RAB38: variants seen among roughly 807,000 people sequenced by gnomAD.
The protein encoded by RAB38 is ras-related protein Rab-38.
Under a neutral mutation model 18.4 loss-of-function variants are expected in RAB38, and 15 were observed. That is an observed-to-expected ratio of 0.82 (90% CI 0.55 to 1.26). RAB38 has a LOEUF of 1.26. Among genes scored for constraint, RAB38 ranks in the 50% most tolerant of loss-of-function variants. The pLI is 0.00. For missense variants in RAB38, 294 were observed against 267.4 expected (o/e 1.10, Z -0.69); for synonymous variants, 101 against 104.4 (o/e 0.97, Z 0.20).
chr11:88,077,009 AAAAGAAAAGAAAAGAAAAG>A, the RAB38 span, among the ~76,000 whole-genome samples: 7 of 116,164 alleles, frequency 6.0e-5, no homozygotes, highest in Non-Finnish European at 9.8e-5. Context: ...AAAAGAAAAG[AAAAGAAAAGAAAAGAAAAG>A]AAAGAAAGCA....
At chr11:87,872,232 G>T in the RAB38 span, among the ~76,000 whole-genome samples, 40,111 of 151,280 alleles carry the variant, frequency 0.27, 7,255 homozygotes, top group African/African-American at 0.52. Context: ...ACCCTTTTCC[G>T]TTTCCCATGA....
At chr11:87,871,565 T>C in the RAB38 span, among the ~76,000 whole-genome samples, 1 of 151,544 alleles carries the variant, frequency 6.6e-6, no homozygotes, top group Non-Finnish European at 1.5e-5. Context: ...AGTATAATTT[T>C]ATAAAAATAT....
At chr11:88,152,054 G>A (rs2134830580) in intron 1 of RAB38, among the ~76,000 whole-genome samples, 1 of 152,272 alleles carries the variant, frequency 6.6e-6, no homozygotes, top group Middle Eastern at 3.4e-3. Context: ...TCCCAAATAA[G>A]TTTTAAATTT....
chr11:88,155,109 A>AC (rs148819259), intron 1 of RAB38, among the ~76,000 whole-genome samples: 2,664 of 152,302 alleles, frequency 0.017, 78 homozygotes, highest in African/African-American at 0.057. Flanking sequence ...TACACAACTC[A>AC]CACTTGGTAG....
At chr11:87,970,711 T>C in the RAB38 span, among the ~76,000 whole-genome samples, 2 of 151,820 alleles carry the variant, frequency 1.3e-5, no homozygotes, top group Non-Finnish European at 1.5e-5. Context: ...GGTGAAGGAG[T>C]GATAGTTGGG....
the RAB38 span, among the ~76,000 whole-genome samples, chr11:87,941,953 C>T: frequency 5.3e-5 from 8 of 152,168 alleles, no homozygotes; most frequent in Non-Finnish European, 5.9e-5. Flanking sequence ...ATTACCCCTG[C>T]CCCTCTCTCT....
the RAB38 span, among the ~76,000 whole-genome samples, chr11:87,937,098 G>A: frequency 1.6e-3 from 248 of 151,700 alleles, 1 homozygote; most frequent in East Asian, 0.02. Flanking sequence ...TATAATTATA[G>A]ATATAAGCTT....
chr11:88,078,114 A>G, the RAB38 span, among the ~76,000 whole-genome samples: 3 of 152,084 alleles, frequency 2.0e-5, no homozygotes, highest in Non-Finnish European at 2.9e-5. Context: ...CAAAACCACA[A>G]TGAGACAATT....
At chr11:87,820,049 G>T in the RAB38 span, among the ~76,000 whole-genome samples, 1 of 152,082 alleles carries the variant, frequency 6.6e-6, no homozygotes. Flanking sequence ...TTAAAAATAA[G>T]TTTACATTAT....
chr11:87,972,541 A>G, the RAB38 span, among the ~76,000 whole-genome samples: 4 of 152,088 alleles, frequency 2.6e-5, no homozygotes, highest in South Asian at 8.3e-4. Context: ...CCACATTAAC[A>G]GATTTAAAGG....
At chr11:87,891,755 G>T in the RAB38 span, among the ~76,000 whole-genome samples, 2 of 151,872 alleles carry the variant, frequency 1.3e-5, no homozygotes, top group Non-Finnish European at 2.9e-5. Context: ...GAACACTATA[G>T]ATAGGCCACT....
intron 2 of RAB38, among the ~76,000 whole-genome samples, chr11:88,139,848 C>T (rs1037981831): frequency 6.6e-6 from 1 of 152,170 alleles, no homozygotes; most frequent in Non-Finnish European, 1.5e-5. Flanking sequence ...GAAGTCTAGG[C>T]CTGGTCTCAC....
the RAB38 span, among the ~76,000 whole-genome samples, chr11:88,043,601 G>GC: frequency 8.1e-5 from 7 of 86,784 alleles, no homozygotes; most frequent in Admixed American, 1.2e-4. Context: ...AGCACCTTGT[G>GC]ACCCCCCCAC....
At chr11:87,945,602 C>T in the RAB38 span, among the ~76,000 whole-genome samples, 2 of 152,158 alleles carry the variant, frequency 1.3e-5, no homozygotes, top group African/African-American at 4.8e-5. Context: ...GAGGTTCCTA[C>T]TAAAGCCCAT....
At chr11:88,014,994 A>G in the RAB38 span, among the ~76,000 whole-genome samples, 2 of 152,280 alleles carry the variant, frequency 1.3e-5, no homozygotes, top group African/African-American at 2.4e-5. Flanking sequence ...AAAGCAAATT[A>G]GTAACCAATA....
At chr11:88,168,249 A>G (rs1031186658) in intron 1 of RAB38, among the ~76,000 whole-genome samples, 4 of 152,212 alleles carry the variant, frequency 2.6e-5, no homozygotes, top group African/African-American at 9.6e-5. Flanking sequence ...GCTTTGATAA[A>G]TTGATAAATG....
the RAB38 span, among the ~76,000 whole-genome samples, chr11:88,035,543 G>A: frequency 1.3e-5 from 2 of 152,156 alleles, no homozygotes; most frequent in African/African-American, 4.8e-5. Context: ...AAGCCAGTCC[G>A]AGTCTCAAGG....
the RAB38 span, among the ~76,000 whole-genome samples, chr11:87,958,674 A>T: frequency 5.3e-5 from 8 of 152,154 alleles, no homozygotes; most frequent in Admixed American, 5.2e-4. Flanking sequence ...CTTTTTCTAA[A>T]AGAGAAAACT....
chr11:87,940,592 A>G, the RAB38 span, among the ~76,000 whole-genome samples: 14,880 of 152,084 alleles, frequency 0.098, 927 homozygotes, highest in African/African-American at 0.16. Flanking sequence ...ATATGTACAT[A>G]TATCTATATC....
Sources: allele counts gnomAD v4.1 joint callset (sites outside exome capture counted in the v4.1 genomes callset), GRCh38; gene constraint gnomAD v4.1.1; transcripts MANE v1.5; gene names NCBI Gene and HGNC (gene_info 2026-07-23, HGNC 2026-07-21).